MARCHF1: variants seen among roughly 807,000 people sequenced by gnomAD.
MARCHF1 encodes the protein membrane associated ring-CH-type finger 1, also known as E3 ubiquitin-protein ligase MARCHF1.
In MARCHF1, 40 loss-of-function variants were observed where a neutral mutation model predicts 54.2. The ratio of observed to expected loss-of-function variants is 0.74; its 90% confidence interval spans 0.57 to 0.96. The LOEUF is 0.96. MARCHF1 is among the 40% of genes least tolerant of loss of function. MARCHF1 has a pLI of 0.00. For synonymous variants in MARCHF1, 236 were observed against 236.3 expected (o/e 1.00, Z 0.01); for missense variants, 586 against 656.5 (o/e 0.89, Z 1.17).
At chr4:164,132,840 T>C (rs149860083) in intron 1 of MARCHF1, among the ~76,000 whole-genome samples, 159 of 152,304 alleles carry the variant, frequency 1.0e-3, no homozygotes, top group African/African-American at 3.8e-3. Flanking sequence ...TATATTTATT[T>C]ATAAATTATC....
At chr4:163,584,016 GTGTT>G in intron 8 of MARCHF1, 1 of 151,158 alleles carries the variant, frequency 6.6e-6, no homozygotes, top group East Asian at 1.9e-4. Flanking sequence ...GTTTATAAGT[GTGTT>G]TGTTGAGGAA....
At chr4:163,952,549 G>A (rs992618861) in intron 3 of MARCHF1, among the ~76,000 whole-genome samples, 1 of 152,042 alleles carries the variant, frequency 6.6e-6, no homozygotes, top group African/African-American at 2.4e-5. Context: ...ACAAAAAGAG[G>A]GTCTGCATGA....
rs1211121200 is a variant in MARCHF1 at position 164,188,671 on chromosome 4, C to A, written c.-322-77009G>T. On this transcript the variant is annotated intron_variant, in intron 1 of 9. Transcript: ENST00000514618. ...ACACGGTCTTTGACGCCAAGTGGCT[C>A]ATCGGCCGCACGTGGAACGACCTGT... 8 of 1,107,910 alleles carry A rather than the reference C, an allele frequency of 7.2e-6. No individual in the cohort carries two copies. In the Admixed American group the frequency reaches 1.0e-4, roughly 14 times the overall value. The allele number at this position is 1,107,910 out of a possible 1,614,324, so 68.6% of individuals were successfully genotyped here. A position where few individuals can be genotyped will look rare whatever the true frequency, so the allele number is the denominator to read the frequency against.
intron 4 of MARCHF1, among the ~76,000 whole-genome samples, chr4:163,721,181 T>G (rs997069374): frequency 4.0e-4 from 61 of 152,348 alleles, no homozygotes; most frequent in Non-Finnish European, 6.8e-4. Flanking sequence ...TAAATATCTC[T>G]TATTATTTTG....
At chr4:164,022,056 C>A (rs1753678071) in intron 2 of MARCHF1, among the ~76,000 whole-genome samples, 1 of 151,918 alleles carries the variant, frequency 6.6e-6, no homozygotes. Context: ...ATTCTTTGTG[C>A]AATTTTTGTT....
intron 1 of MARCHF1, among the ~76,000 whole-genome samples, chr4:164,228,439 T>C (rs1181567911): frequency 6.6e-6 from 1 of 152,216 alleles, no homozygotes; most frequent in Non-Finnish European, 1.5e-5. Flanking sequence ...AACCTTTACT[T>C]TGAAAAGTTC....
At chr4:163,735,221 C>G (rs150500595) in intron 4 of MARCHF1, among the ~76,000 whole-genome samples, 48 of 152,276 alleles carry the variant, frequency 3.2e-4, no homozygotes, top group African/African-American at 1.1e-3. Flanking sequence ...CACTCTTCAT[C>G]CTATTACCCC....
At chr4:164,334,105 A>C (rs767513179) in intron 1 of MARCHF1, among the ~76,000 whole-genome samples, 1 of 152,226 alleles carries the variant, frequency 6.6e-6, no homozygotes, top group Non-Finnish European at 1.5e-5. Context: ...CCATGGCATA[A>C]AAGTGCAAGG....
chr4:164,213,389 A>G (rs937630438), intron 1 of MARCHF1, among the ~76,000 whole-genome samples: 1 of 151,798 alleles, frequency 6.6e-6, no homozygotes, highest in East Asian at 1.9e-4. Flanking sequence ...GCCTGCCACC[A>G]TGCCCGGCTA....
intron 8 of MARCHF1, among the ~76,000 whole-genome samples, chr4:163,548,583 A>G (rs976855334): frequency 3.3e-5 from 5 of 152,232 alleles, no homozygotes; most frequent in Admixed American, 1.3e-4. Flanking sequence ...GTGAAGCATA[A>G]GGGAACCATC....
At chr4:163,672,090 T>G (rs1284563011) in intron 5 of MARCHF1, among the ~76,000 whole-genome samples, 3 of 152,192 alleles carry the variant, frequency 2.0e-5, no homozygotes, top group Non-Finnish European at 4.4e-5. Flanking sequence ...GGGTCTGATA[T>G]CCTAGTTTCA....
intron 4 of MARCHF1, among the ~76,000 whole-genome samples, chr4:163,751,091 T>C (rs567712682): frequency 1.3e-5 from 2 of 152,100 alleles, no homozygotes; most frequent in East Asian, 3.9e-4. Flanking sequence ...AAACACTCAC[T>C]TCAAGATAAA....
rs888737082 is a variant in MARCHF1 at position 163,790,986 on chromosome 4, G to GA, written c.111+63034dup. Among the ~76,000 whole-genome samples, 3 of 151,918 alleles carry GA rather than the reference G, an allele frequency of 2.0e-5. No individual in the cohort carries two copies. The East Asian group carries it at 5.8e-4, about 29-fold the overall frequency. On this transcript the variant is annotated intron_variant, in intron 4 of 9. Coordinates refer to ENST00000514618, the MANE Select transcript of MARCHF1 (RefSeq NM_001394959.1). ...TTTCAGTTTCCTTTGACATGTTTTT[G>GA]AAAAAAGAGTAACAAAATGACTCAT... is the stretch of plus-strand genomic sequence containing the variant.
chr4:164,004,564 A>C (rs1753249429), intron 2 of MARCHF1, among the ~76,000 whole-genome samples: 1 of 152,124 alleles, frequency 6.6e-6, no homozygotes, highest in Admixed American at 6.6e-5. Context: ...GTGAAAATAA[A>C]ATATTCACAA....
chr4:163,574,157 G>A (rs1739953395), intron 8 of MARCHF1, among the ~76,000 whole-genome samples: 1 of 151,936 alleles, frequency 6.6e-6, no homozygotes, highest in Non-Finnish European at 1.5e-5. Flanking sequence ...TTTTGATGGG[G>A]TTGTTTGTTT....
At chr4:164,088,215 T>A (rs1755229617) in intron 2 of MARCHF1, among the ~76,000 whole-genome samples, 1 of 152,206 alleles carries the variant, frequency 6.6e-6, no homozygotes, top group African/African-American at 2.4e-5. Context: ...ATTCATTATT[T>A]ACACACTTAT....
chr4:164,218,425 T>C (rs997745595), intron 1 of MARCHF1, among the ~76,000 whole-genome samples: 20 of 151,822 alleles, frequency 1.3e-4, no homozygotes, highest in Non-Finnish European at 4.4e-5. Context: ...GGGGAGGTGG[T>C]GACAGGGCAG....
intron 1 of MARCHF1, among the ~76,000 whole-genome samples, chr4:164,239,893 T>A (rs984235902): frequency 1.1e-4 from 17 of 152,242 alleles, no homozygotes; most frequent in African/African-American, 3.9e-4. Context: ...CCATTCTTAA[T>A]ACTATGATTA....
intron 1 of MARCHF1, among the ~76,000 whole-genome samples, chr4:164,356,554 G>A (rs914768866): frequency 7.4e-6 from 1 of 134,966 alleles, no homozygotes; most frequent in Non-Finnish European, 1.6e-5. Flanking sequence ...CTCATAGGTG[G>A]GAATTGAACA....
Sources: gnomAD v4.1 joint callset for allele counts (sites outside exome capture counted in the v4.1 genomes callset) on GRCh38, gnomAD v4.1.1 for gene constraint, MANE v1.5 for transcripts, NCBI Gene and HGNC (gene_info 2026-07-23, HGNC 2026-07-21) for gene names.